CDK14: variants seen among roughly 807,000 people sequenced by gnomAD.
CDK14 encodes cyclin-dependent kinase 14.
CDK14 carries 34 observed loss-of-function variants against 60.7 expected under a neutral mutation model. The ratio of observed to expected loss-of-function variants is 0.56; its 90% CI spans 0.43 to 0.75. CDK14 has a LOEUF of 0.75. CDK14 is among the 30% of genes least tolerant of loss of function. The pLI is 0.00. For missense variants in CDK14, 482 were observed against 564.1 expected, an observed-to-expected ratio of 0.85 and a Z score of 1.47; for synonymous variants, 197 against 203.7, an observed-to-expected ratio of 0.97 and a Z score of 0.28.
intron 6 of CDK14, among the ~76,000 whole-genome samples, chr7:90,874,507 T>G (rs1441631861): frequency 1.3e-4 from 2 of 15,088 alleles, no homozygotes; most frequent in South Asian, 2.4e-3. Context: ...TTCATCCTTT[T>G]TTTTTTTTTT....
At chr7:91,159,836 T>C (rs1801112782) in intron 14 of CDK14, among the ~76,000 whole-genome samples, 1 of 152,098 alleles carries the variant, frequency 6.6e-6, no homozygotes, top group South Asian at 2.1e-4. Flanking sequence ...TGGTGGTGTT[T>C]ATGGGACACC....
intron 6 of CDK14, among the ~76,000 whole-genome samples, chr7:90,870,811 C>G (rs191848859): frequency 7.2e-5 from 11 of 152,248 alleles, no homozygotes; most frequent in Non-Finnish European, 1.3e-4. Context: ...ATATAAGCTT[C>G]ATATAGAACA....
At position 90,821,479 on chromosome 7, in the gene CDK14, G is replaced by T. The variant is rs138630174; in HGVS notation, c.544+30827G>T. On this transcript the variant is annotated intron_variant, in intron 5 of 14. Transcript: ENST00000380050. ...TGTGGCTGTCCTTTGCTCTGTAACT[G>T]CCCTCTGAGTCTCCTCCTCTCTGCC... Among the ~76,000 whole-genome samples the T allele has an allele frequency of 2.1e-3, 313 of 152,284 alleles. 3 individuals are homozygous for T. Among genetic ancestry groups the T allele is most frequent in the Non-Finnish European group, 3.5e-3 (238 of 68,026 alleles).
intron 14 of CDK14, among the ~76,000 whole-genome samples, chr7:91,184,295 G>T (rs1214649319): frequency 8.3e-6 from 1 of 120,730 alleles, no homozygotes; most frequent in Non-Finnish European, 1.7e-5. Flanking sequence ...AAAAAAAAAA[G>T]AACTCCTTAA....
At chr7:91,064,625 C>T (rs1584281323) in intron 11 of CDK14, among the ~76,000 whole-genome samples, 2 of 152,246 alleles carry the variant, frequency 1.3e-5, no homozygotes, top group South Asian at 4.2e-4. Context: ...GTCACTATAG[C>T]CCGCATCACA....
intron 5 of CDK14, among the ~76,000 whole-genome samples, chr7:90,862,721 C>G (rs1467188997): frequency 6.6e-6 from 1 of 152,042 alleles, no homozygotes; most frequent in East Asian, 1.9e-4. Context: ...GGTTCCATAC[C>G]TATGGAATGT....
At chr7:90,873,388 TG>T (rs1338164301) in intron 6 of CDK14, among the ~76,000 whole-genome samples, 1 of 152,360 alleles carries the variant, frequency 6.6e-6, no homozygotes, top group Non-Finnish European at 1.5e-5. Flanking sequence ...CATACAAAAC[TG>T]GTGGCTATAA....
chr7:90,915,950 C>T lies in CDK14; in HGVS notation c.703-1651C>T, dbSNP rs1235741475. On this transcript the variant is annotated intron_variant, in intron 7 of 14. Coordinates refer to ENST00000380050, the MANE Select transcript of CDK14 (RefSeq NM_001287135.2). ...GTTAAACACTTACATTCTGATAAGA[C>T]TCTGCTAGATCCCAAAGATCAGGTA... Among the ~76,000 whole-genome samples the T allele has an allele frequency of 2.6e-5, 4 of 152,214 alleles. No individual in the cohort carries two copies. The East Asian group carries it at 7.7e-4, about 29-fold the overall frequency.
intron 12 of CDK14, among the ~76,000 whole-genome samples, chr7:91,085,934 T>G (rs1798625454): frequency 6.6e-6 from 1 of 152,238 alleles, no homozygotes; most frequent in Admixed American, 6.5e-5. Context: ...CCATTAGGCC[T>G]CTGTGGTTCC....
intron 10 of CDK14, among the ~76,000 whole-genome samples, chr7:91,005,857 T>A (rs1795967411): frequency 6.6e-6 from 1 of 152,250 alleles, no homozygotes; most frequent in African/African-American, 2.4e-5. Context: ...CCGTTCCTTG[T>A]GAGGCAAATA....
chr7:91,049,016 C>A (rs1797313972), intron 11 of CDK14, among the ~76,000 whole-genome samples: 1 of 151,474 alleles, frequency 6.6e-6, no homozygotes, highest in Non-Finnish European at 1.5e-5. Flanking sequence ...CTGGGACTAA[C>A]TATAGGTGAT....
At chr7:90,733,651 C>T (rs914313322) in intron 3 of CDK14, among the ~76,000 whole-genome samples, 5 of 151,950 alleles carry the variant, frequency 3.3e-5, no homozygotes, top group South Asian at 4.1e-4. Flanking sequence ...TGTTGCTTTC[C>T]GTTTGGTTGG....
chr7:90,927,316 G>A (rs1793448824), intron 8 of CDK14, among the ~76,000 whole-genome samples: 1 of 152,056 alleles, frequency 6.6e-6, no homozygotes, highest in South Asian at 2.1e-4. Context: ...TTAGCATTCA[G>A]AAAATATACT....
At chr7:91,205,562 G>T (rs1802869691) in intron 14 of CDK14, among the ~76,000 whole-genome samples, 1 of 152,180 alleles carries the variant, frequency 6.6e-6, no homozygotes, top group South Asian at 2.1e-4. Context: ...ACTGCTTAAA[G>T]GATATAGGAT....
intron 14 of CDK14, among the ~76,000 whole-genome samples, chr7:91,142,246 A>G (rs1800490529): frequency 6.6e-6 from 1 of 152,182 alleles, no homozygotes; most frequent in Non-Finnish European, 1.5e-5. Context: ...GGAAGATTAG[A>G]CCACTTTGGG....
chr7:90,711,350 T>A (rs1802052233), intron 2 of CDK14, among the ~76,000 whole-genome samples: 1 of 152,066 alleles, frequency 6.6e-6, no homozygotes, highest in Non-Finnish European at 1.5e-5. Context: ...ATAGATCAAA[T>A]TTACCTCTCT....
chr7:91,076,085 CATT>C (rs1798303344), intron 11 of CDK14, among the ~76,000 whole-genome samples: 1 of 151,308 alleles, frequency 6.6e-6, no homozygotes, highest in Non-Finnish European at 1.5e-5. Flanking sequence ...ATCAAGCTAT[CATT>C]GACATTCCTC....
intron 10 of CDK14, among the ~76,000 whole-genome samples, chr7:90,987,719 A>G (rs921686549): frequency 6.6e-5 from 10 of 152,008 alleles, no homozygotes; most frequent in Non-Finnish European, 1.5e-5. Context: ...TAAATCACTG[A>G]GAAAAAAAAA....
intron 2 of CDK14, among the ~76,000 whole-genome samples, chr7:90,616,721 A>G (rs1316932123): frequency 6.6e-6 from 1 of 152,228 alleles, no homozygotes; most frequent in East Asian, 1.9e-4. Flanking sequence ...CAAATTGTAC[A>G]GTGTACATTG....
Sources: gnomAD v4.1 joint callset for allele counts (sites outside exome capture counted in the v4.1 genomes callset) on GRCh38, gnomAD v4.1.1 for gene constraint, MANE v1.5 for transcripts, NCBI Gene and HGNC (gene_info 2026-07-23, HGNC 2026-07-21) for gene names.